ACSS2: variants seen among roughly 807,000 people sequenced by gnomAD.
ACSS2 encodes the protein acetyl-coenzyme A synthetase, cytoplasmic.
A neutral mutation model predicts 90.6 loss-of-function variants in ACSS2; 58 were observed. The ratio of observed to expected loss-of-function variants is 0.64; its 90% confidence interval spans 0.52 to 0.80. The LOEUF (loss-of-function observed/expected upper bound fraction) is 0.80, where lower values mean the gene tolerates loss of function less well. Among genes scored for constraint, ACSS2 ranks in the 30% least tolerant of loss-of-function variants. The pLI, the probability that ACSS2 is intolerant of heterozygous loss-of-function variation, is 0.00. For synonymous variants in ACSS2, 300 were observed against 330.9 expected (o/e 0.91, Z 1.01); for missense variants, 759 against 912.0 (o/e 0.83, Z 2.16).
At chr20:34,896,229 G>A (rs1384000818) in intron 2 of ACSS2, among the ~76,000 whole-genome samples, 12 of 152,196 alleles carry the variant, frequency 7.9e-5, no homozygotes, top group Admixed American at 7.2e-4. Context: ...ATCAAGGCCT[G>A]AAAATAGCTG....
At chr20:34,903,219 G>A (rs559247992) in intron 2 of ACSS2, among the ~76,000 whole-genome samples, 1 of 151,980 alleles carries the variant, frequency 6.6e-6, no homozygotes, top group Non-Finnish European at 1.5e-5. Context: ...GCATGCACCT[G>A]TGGTCCCAGC....
intron 2 of ACSS2, among the ~76,000 whole-genome samples, chr20:34,907,666 G>T (rs1202274386): frequency 6.6e-6 from 1 of 152,212 alleles, no homozygotes. Flanking sequence ...GGACACATGT[G>T]CTTGGGTATG....
chr20:34,901,274 CT>C (rs547368020), intron 2 of ACSS2, among the ~76,000 whole-genome samples: 2 of 152,026 alleles, frequency 1.3e-5, no homozygotes, highest in Non-Finnish European at 2.9e-5. Flanking sequence ...TCTTTTCTTT[CT>C]TTTTTTGACA....
At chr20:34,877,359 G>C (rs2146951331) in intron 1 of ACSS2, among the ~76,000 whole-genome samples, 1 of 152,252 alleles carries the variant, frequency 6.6e-6, no homozygotes, top group Non-Finnish European at 1.5e-5. Context: ...TGGAGTCCCC[G>C]ATCTATTTTT....
rs1386644805 is a variant in ACSS2 at position 34,926,927 on chromosome 20, C to T, written c.1954C>T (p.Pro652Ser). Residue 652 changes from proline (P) to serine (S), a missense_variant, in exon 17 of 18, where the codon CCT becomes TCT. Transcript: ENST00000360596. ...IATPDYIQNA[P>S]GLPKTRSGKI... is the part of the protein sequence containing the mutation. ...CACACCAGACTACATCCAGAATGCA[C>T]CTGGCTTGCCTAAAACCCGCTCAGG... 1 of 1,614,158 alleles carries T rather than the reference C, an allele frequency of 6.2e-7. No homozygotes were observed. Among genetic ancestry groups the T allele is most frequent in the Admixed American group, 1.7e-5 (1 of 60,024 alleles).
intron 2 of ACSS2, among the ~76,000 whole-genome samples, chr20:34,911,248 C>T (rs1199093915): frequency 2.7e-5 from 4 of 146,938 alleles, no homozygotes; most frequent in Non-Finnish European, 4.4e-5. Flanking sequence ...AGTACAGTGG[C>T]ACAATCTTGG....
At chr20:34,913,293 G>T in intron 3 of ACSS2, 100 bp from the exon 4 acceptor site, 1 of 1,548,914 alleles carries the variant, frequency 6.5e-7, no homozygotes, top group Non-Finnish European at 8.9e-7. Flanking sequence ...TGGTAACAGA[G>T]GAAGAGAACA....
intron 2 of ACSS2, among the ~76,000 whole-genome samples, chr20:34,884,781 G>A (rs959676977): frequency 2.0e-5 from 3 of 152,190 alleles, no homozygotes; most frequent in East Asian, 3.8e-4. Context: ...AAAGGAGGCC[G>A]GGCATGGTGG....
intron 2 of ACSS2, among the ~76,000 whole-genome samples, chr20:34,901,827 C>T (rs6087647): frequency 6.6e-6 from 1 of 152,128 alleles, no homozygotes; most frequent in Non-Finnish European, 1.5e-5. Flanking sequence ...CTGAACAATC[C>T]TGTGCTGCAT....
chr20:34,905,861 C>T (rs17092163), intron 2 of ACSS2, among the ~76,000 whole-genome samples: 12,206 of 152,300 alleles, frequency 0.08, 1,682 homozygotes, highest in African/African-American at 0.28. Context: ...CACTTATTTA[C>T]ATTCCGTGCC....
At chr20:34,896,284 G>A (rs2080457378) in intron 2 of ACSS2, among the ~76,000 whole-genome samples, 1 of 152,220 alleles carries the variant, frequency 6.6e-6, no homozygotes, top group Non-Finnish European at 1.5e-5. Flanking sequence ...CAGGGCAGGA[G>A]TCCCATACTC....
intron 1 of ACSS2, among the ~76,000 whole-genome samples, chr20:34,877,377 C>A (rs1053939821): frequency 6.6e-6 from 1 of 152,098 alleles, no homozygotes; most frequent in Non-Finnish European, 1.5e-5. Context: ...TTTAGTATAT[C>A]GGACATCCTA....
chr20:34,916,629 T>C (rs909770659), intron 7 of ACSS2, among the ~76,000 whole-genome samples: 2 of 152,208 alleles, frequency 1.3e-5, no homozygotes, highest in Admixed American at 1.3e-4. Flanking sequence ...GCTTAAAAAG[T>C]CCAGGTTGTT....
At chr20:34,926,822 T>C (rs951460212) in intron 16 of ACSS2, 55 bp from the exon 17 acceptor site, 4 of 1,595,574 alleles carry the variant, frequency 2.5e-6, no homozygotes, top group South Asian at 2.2e-5. Flanking sequence ...ACTTTGATTT[T>C]TGAAAAGTCT....
chr20:34,909,148 A>C (rs1364615305), intron 2 of ACSS2, among the ~76,000 whole-genome samples: 1 of 145,372 alleles, frequency 6.9e-6, no homozygotes, highest in Non-Finnish European at 1.5e-5. Flanking sequence ...ACTTGAGGCC[A>C]GGAGTTCCAG....
chr20:34,913,530 G>A, intron 4 of ACSS2, 34 bp downstream of exon 4: 1 of 1,585,096 alleles, frequency 6.3e-7, no homozygotes, highest in Non-Finnish European at 8.6e-7. Flanking sequence ...GGGGCAGGCG[G>A]GGGGGTGGGG....
intron 2 of ACSS2, among the ~76,000 whole-genome samples, chr20:34,895,955 G>A (rs117494136): frequency 2.3e-3 from 355 of 152,286 alleles, no homozygotes; most frequent in Non-Finnish European, 4.2e-3. Flanking sequence ...GAGACTTGAT[G>A]TACACATAAA....
intron 10 of ACSS2, 74 bp from the exon 11 acceptor site, chr20:34,921,256 C>A: frequency 1.2e-6 from 2 of 1,606,834 alleles, no homozygotes; most frequent in Non-Finnish European, 1.7e-6. Context: ...GAGGATGGGG[C>A]AAGAGAAAAG....
chr20:34,882,907 G>C lies in ACSS2; in HGVS notation c.292G>C (p.Gly98Arg), dbSNP rs987971608. The change falls in exon 2 of 18, where the codon GGA becomes CGA. Residue 98 changes from glycine (G) to arginine (R), a missense_variant. Gly to Arg is a moderately radical substitution (Grantham distance 125). Transcript: ENST00000360596. ...KGKIFIEWMK[G>R]ATTNICYNVL... ...GAAAATCTTCATTGAGTGGATGAAA[G>C]GAGCAACTACCAACATCTGCTACAA... 1.9e-6 allele frequency: 3 copies of C among 1,613,898 alleles called. No individual in the cohort carries two copies. Among genetic ancestry groups the C allele is most frequent in the Non-Finnish European group, 2.5e-6 (3 of 1,179,924 alleles).
Sources: gnomAD v4.1 joint callset for allele counts (sites outside exome capture counted in the v4.1 genomes callset) on GRCh38, gnomAD v4.1.1 for gene constraint, MANE v1.5 for transcripts, NCBI Gene and HGNC (gene_info 2026-07-23, HGNC 2026-07-21) for gene names.